Variants in KIF18A observed in about 807,000 individuals in gnomAD.
KIF18A encodes the protein kinesin-like protein KIF18A.
Under a neutral mutation model 103.3 loss-of-function variants are expected in KIF18A, and 67 were observed. The observed-to-expected ratio is 0.65, with a 90% CI of 0.53 to 0.79. KIF18A has a LOEUF of 0.79. Among genes scored for constraint, KIF18A ranks in the 30% least tolerant of loss-of-function variants. The pLI is 0.00. For synonymous variants in KIF18A, 367 were observed against 355.5 expected, an observed-to-expected ratio of 1.03 and a Z score of -0.36; for missense variants, 1,032 against 1,062.5, an observed-to-expected ratio of 0.97 and a Z score of 0.40.
At chr11:28,101,101 T>C (rs1245220555) in intron 1 of KIF18A, among the ~76,000 whole-genome samples, 1 of 152,172 alleles carries the variant, frequency 6.6e-6, no homozygotes, top group African/African-American at 2.4e-5. Flanking sequence ...AATGGGCTTA[T>C]GACTAGCACT....
chr11:28,036,463 G>T lies in KIF18A; in HGVS notation c.2150C>A (p.Pro717Gln). 1 of 1,610,744 alleles carries T rather than the reference G, an allele frequency of 6.2e-7. No individual in the cohort carries two copies. Among genetic ancestry groups the T allele is most frequent in the Non-Finnish European group, 8.5e-7 (1 of 1,177,848 alleles). The change falls in exon 14 of 17, where the codon CCG (proline) becomes CAG (glutamine). Residue 717 changes from proline to glutamine, a missense_variant. Coordinates refer to ENST00000263181, the MANE Select transcript of KIF18A (RefSeq NM_031217.4). ...TGGTTTCATTAAGGTTACTGTAGAC[G>T]GATTTTGAAAAGCTTTTCTACAGTC... ...PEDCRKAFQN[P>Q]STVTLMKPSS...
intron 15 of KIF18A, among the ~76,000 whole-genome samples, chr11:28,026,977 A>G (rs1850329993): frequency 6.6e-6 from 1 of 151,796 alleles, no homozygotes; most frequent in African/African-American, 2.4e-5. Context: ...TTTAGGAAAA[A>G]TCCATAAATT....
intron 1 of KIF18A, among the ~76,000 whole-genome samples, chr11:28,106,551 CAAAAAAA>C (rs11301094): frequency 2.4e-5 from 2 of 82,336 alleles, no homozygotes; most frequent in Non-Finnish European, 5.2e-5. Context: ...CAGTTGTCAG[CAAAAAAA>C]AAAAAAAAAA....
intron 5 of KIF18A, 83 bp downstream of exon 5, chr11:28,090,534 C>A: frequency 1.2e-6 from 1 of 806,446 alleles, no homozygotes. Context: ...ATTTTTTTCA[C>A]ATGTATGAAA....
chr11:28,053,054 G>C (rs1400855384), intron 13 of KIF18A, among the ~76,000 whole-genome samples: 1 of 150,862 alleles, frequency 6.6e-6, no homozygotes, highest in Non-Finnish European at 1.5e-5. Context: ...AATTACTTCT[G>C]CACTAACCTA....
intron 13 of KIF18A, among the ~76,000 whole-genome samples, chr11:28,058,479 G>C (rs928709807): frequency 1.3e-5 from 1 of 75,420 alleles, no homozygotes; most frequent in Non-Finnish European, 2.5e-5. Context: ...GTGATACTTT[G>C]TTTCTACAGG....
At chr11:28,046,229 A>G (rs1267649823) in intron 13 of KIF18A, among the ~76,000 whole-genome samples, 14 of 151,752 alleles carry the variant, frequency 9.2e-5, no homozygotes, top group East Asian at 1.9e-4. Context: ...TCATGCTGCT[A>G]TAAAGACACA....
chr11:28,091,362 A>G, intron 4 of KIF18A, 47 bp downstream of exon 4: 1 of 991,222 alleles, frequency 1.0e-6, no homozygotes, highest in South Asian at 1.4e-5. Context: ...ATAGCTTAAT[A>G]GTCACATTTG....
At chr11:28,024,332 T>G (rs1565067238) in intron 15 of KIF18A, among the ~76,000 whole-genome samples, 1 of 152,070 alleles carries the variant, frequency 6.6e-6, no homozygotes, top group Non-Finnish European at 1.5e-5. Context: ...CTCTAATTAT[T>G]ACAATCACAG....
chr11:28,075,650 G>A (rs897244469), intron 10 of KIF18A, among the ~76,000 whole-genome samples: 1 of 152,056 alleles, frequency 6.6e-6, no homozygotes, highest in Non-Finnish European at 1.5e-5. Flanking sequence ...AGATTTGGGA[G>A]TTCTGTCATA....
At chr11:28,067,784 A>G (rs1259731352) in intron 11 of KIF18A, among the ~76,000 whole-genome samples, 2 of 152,170 alleles carry the variant, frequency 1.3e-5, no homozygotes, top group Non-Finnish European at 2.9e-5. Context: ...AAAAGACTGA[A>G]AAGAAGTTGT....
intron 15 of KIF18A, among the ~76,000 whole-genome samples, chr11:28,033,333 T>C (rs545661541): frequency 6.6e-6 from 1 of 151,402 alleles, no homozygotes; most frequent in Non-Finnish European, 1.5e-5. Context: ...AGTGCTACCA[T>C]ACGATCCAGC....
At chr11:28,031,708 G>T (rs1293997847) in intron 15 of KIF18A, among the ~76,000 whole-genome samples, 3 of 151,346 alleles carry the variant, frequency 2.0e-5, no homozygotes, top group African/African-American at 7.3e-5. Context: ...AAAAAACTGG[G>T]TATAGAAGGA....
At chr11:28,098,098 A>G in intron 1 of KIF18A, 105 bp from the exon 2 acceptor site, 2 of 602,584 alleles carry the variant, frequency 3.3e-6, no homozygotes, top group Non-Finnish European at 5.6e-6. Flanking sequence ...ATTCTGTTTC[A>G]CTCACTAGGT....
chr11:28,054,368 G>A (rs1850751657), intron 13 of KIF18A, among the ~76,000 whole-genome samples: 1 of 152,038 alleles, frequency 6.6e-6, no homozygotes, highest in Admixed American at 6.6e-5. Flanking sequence ...GGGCCACAAT[G>A]CCTTGCCAAG....
At chr11:28,073,412 T>C (rs948816244) in intron 10 of KIF18A, among the ~76,000 whole-genome samples, 2 of 152,120 alleles carry the variant, frequency 1.3e-5, no homozygotes, top group African/African-American at 4.8e-5. Flanking sequence ...AAATAGGAAG[T>C]CACTGCTTAC....
In KIF18A at chr11:28,094,737, G is replaced by A. The variant is rs1851347202; in HGVS notation, c.389C>T (p.Pro130Leu). 6.2e-7 allele frequency: 1 copy of A among 1,613,648 alleles called. No homozygotes were observed. Among genetic ancestry groups the A allele is most frequent in the African/African-American group, 1.3e-5 (1 of 75,020 alleles). Reference sequence around the variant, plus strand: ...TAACATTGTTAGATACATCACTCCAGGTTCATCAGCTGATCCTAGCATAGT... The same window carrying A: ...TAACATTGTTAGATACATCACTCCAAGTTCATCAGCTGATCCTAGCATAGT... The part of the protein sequence containing the change: ...THTMLGSADE[P>L]GVMYLTMLHL... The change falls in exon 3 of 17, where the codon CCT (proline) becomes CTT (leucine). Residue 130 changes from proline to leucine, a missense_variant. By Grantham distance (98) the Pro-to-Leu change is moderately conservative. Transcript: ENST00000263181.
intron 9 of KIF18A, among the ~76,000 whole-genome samples, chr11:28,077,748 T>C (rs1326457236): frequency 3.3e-5 from 5 of 152,190 alleles, no homozygotes; most frequent in Admixed American, 2.0e-4. Flanking sequence ...CCCTACAGCC[T>C]GGCTAAGAAT....
intron 15 of KIF18A, among the ~76,000 whole-genome samples, chr11:28,031,969 T>C (rs1320352047): frequency 6.6e-6 from 1 of 151,834 alleles, no homozygotes; most frequent in East Asian, 1.9e-4. Flanking sequence ...GATGACATGA[T>C]CTTATCATAT....
Sources: gnomAD v4.1 joint callset for allele counts (sites outside exome capture counted in the v4.1 genomes callset) on GRCh38, gnomAD v4.1.1 for gene constraint, MANE v1.5 for transcripts, NCBI Gene and HGNC (gene_info 2026-07-23, HGNC 2026-07-21) for gene names.